Variants in FAAH2 observed in about 807,000 individuals in gnomAD.
The protein encoded by FAAH2 is fatty-acid amide hydrolase 2.
Under a neutral mutation model 36.9 loss-of-function variants are expected in FAAH2, and 60 were observed. The observed-to-expected ratio is 1.63, with a 90% CI of 1.32 to 2.02. FAAH2 has a LOEUF of 2.02. Among genes scored for constraint, FAAH2 ranks in the 30% most tolerant of loss-of-function variants. FAAH2 has a pLI of 0.00. For missense variants in FAAH2, 689 were observed against 397.5 expected, an observed-to-expected ratio of 1.73 and a Z score of -6.23; for synonymous variants, 214 against 143.8, an observed-to-expected ratio of 1.49 and a Z score of -3.49.
At chrX:57,396,830 G>A (rs1337143710) in intron 7 of FAAH2, among the ~76,000 whole-genome samples, 1 of 112,013 alleles carries the variant, frequency 8.9e-6, no homozygotes, top group East Asian at 2.8e-4. Flanking sequence ...ATTGTCAAAT[G>A]TTGTGTAAAT....
At chrX:57,448,930 G>T (rs780718966) in intron 10 of FAAH2, among the ~76,000 whole-genome samples, 3 of 111,750 alleles carry the variant, frequency 2.7e-5, no homozygotes, top group Non-Finnish European at 3.8e-5. Flanking sequence ...TCCTACAAGT[G>T]CATATGAGTA....
chrX:57,261,667 G>T, the FAAH2 span, among the ~76,000 whole-genome samples: 4 of 109,914 alleles, frequency 3.6e-5, no homozygotes, highest in African/African-American at 1.3e-4. Flanking sequence ...TGTTGCCAGG[G>T]ATGGGAGGTG....
At position 57,310,620 on chromosome X, in the gene FAAH2, T is replaced by C. The variant is rs2052666224; in HGVS notation, c.303T>C (p.His101=). The change falls in exon 3 of 11, where the codon CAT becomes CAC. Residue 101 remains histidine (H), a synonymous_variant. Transcript: ENST00000374900. The part of the protein sequence containing the change: ...YRFEEAMKEA[H]AVDQKLAEKQ... ...TTGAGGAAGCGATGAAGGAGGCTCA[T>C]GCTGTAGATCAAAAGCTTGCAGAGA... 1 of 1,207,336 alleles carries C rather than the reference T, an allele frequency of 8.3e-7. No individual in the cohort carries two copies. Among genetic ancestry groups the C allele is most frequent in the African/African-American group, 1.8e-5 (1 of 57,112 alleles).
chrX:57,250,063 A>G, the FAAH2 span, among the ~76,000 whole-genome samples: 1 of 112,139 alleles, frequency 8.9e-6, no homozygotes, highest in South Asian at 3.7e-4. Context: ...CATTGAACAA[A>G]CTGTGAGCTT....
At chrX:57,218,527 C>T in the FAAH2 span, among the ~76,000 whole-genome samples, 1 of 111,778 alleles carries the variant, frequency 8.9e-6, no homozygotes, top group Non-Finnish European at 1.9e-5. Flanking sequence ...CTTTAACCAC[C>T]CCTGCATCCC....
At chrX:57,242,268 G>A in the FAAH2 span, among the ~76,000 whole-genome samples, 25 of 112,601 alleles carry the variant, frequency 2.2e-4, no homozygotes, top group Admixed American at 2.1e-3. Context: ...GGAGCAGGCA[G>A]CAGTCTTTGC....
At chrX:57,433,349 G>A (rs905136930) in intron 8 of FAAH2, among the ~76,000 whole-genome samples, 25 of 110,162 alleles carry the variant, frequency 2.3e-4, no homozygotes, top group African/African-American at 7.5e-4. Flanking sequence ...AGAGCTGGTG[G>A]TCATAACCAC....
chrX:57,245,830 A>T, the FAAH2 span, among the ~76,000 whole-genome samples: 1 of 111,989 alleles, frequency 8.9e-6, no homozygotes, highest in Non-Finnish European at 1.9e-5. Flanking sequence ...GAGAAGCAAG[A>T]ACAAACAAAT....
At chrX:57,322,914 T>A (rs2053077093) in intron 3 of FAAH2, among the ~76,000 whole-genome samples, 1 of 110,174 alleles carries the variant, frequency 9.1e-6, no homozygotes, top group Admixed American at 9.8e-5. Flanking sequence ...ACAAGTGCCA[T>A]GTTGGTGTGC....
chrX:57,454,092 G>C (rs1361605883), intron 10 of FAAH2, among the ~76,000 whole-genome samples: 3 of 102,180 alleles, frequency 2.9e-5, no homozygotes, highest in Non-Finnish European at 6.2e-5. Flanking sequence ...GAGGACTACT[G>C]TCATCTTGGC....
chrX:57,447,757 G>A (rs2147176358), intron 9 of FAAH2, among the ~76,000 whole-genome samples: 1 of 111,008 alleles, frequency 9.0e-6, no homozygotes, highest in South Asian at 3.9e-4. Context: ...ACAGCAAGAG[G>A]GTCCTGGGCC....
At chrX:57,233,628 T>C in the FAAH2 span, among the ~76,000 whole-genome samples, 1 of 111,653 alleles carries the variant, frequency 9.0e-6, no homozygotes, top group African/African-American at 3.3e-5. Context: ...GACAGCTTCC[T>C]TTTTGTTTTG....
chrX:57,332,683 G>A (rs749039797), intron 4 of FAAH2, among the ~76,000 whole-genome samples: 3 of 111,160 alleles, frequency 2.7e-5, no homozygotes, highest in African/African-American at 9.8e-5. Context: ...GATCTTAGGG[G>A]CCCCACACAA....
At chrX:57,330,898 A>G (rs1001033997) in intron 3 of FAAH2, among the ~76,000 whole-genome samples, 5 of 110,430 alleles carry the variant, frequency 4.5e-5, no homozygotes, top group Admixed American at 9.7e-5. Context: ...CTGACAGGTC[A>G]GGAATTGTGA....
the FAAH2 span, among the ~76,000 whole-genome samples, chrX:57,257,927 C>G: frequency 8.9e-6 from 1 of 111,834 alleles, no homozygotes; most frequent in Non-Finnish European, 1.9e-5. Context: ...AATGCTATCT[C>G]TATCAAAATT....
At chrX:57,359,363 A>T (rs2054234408) in intron 5 of FAAH2, among the ~76,000 whole-genome samples, 1 of 111,312 alleles carries the variant, frequency 9.0e-6, no homozygotes, top group African/African-American at 3.3e-5. Context: ...TCTAATTTTC[A>T]TTCTGATTTC....
At chrX:57,142,456 G>A in the FAAH2 span, among the ~76,000 whole-genome samples, 1 of 111,885 alleles carries the variant, frequency 8.9e-6, no homozygotes, top group Non-Finnish European at 1.9e-5. Context: ...TTCCATTGTA[G>A]TTAGAAAAGA....
chrX:57,472,798 A>G (rs1460139150), intron 10 of FAAH2, among the ~76,000 whole-genome samples: 1 of 110,708 alleles, frequency 9.0e-6, no homozygotes, highest in African/African-American at 3.3e-5. Flanking sequence ...TAGATTTTCT[A>G]GTTTGTGTGC....
chrX:57,466,237 AGCTATTTTGCTGCAAACTTTTTGTATTT>A (rs2057048699), intron 10 of FAAH2, among the ~76,000 whole-genome samples: 3 of 103,808 alleles, frequency 2.9e-5, no homozygotes, highest in Non-Finnish European at 5.9e-5. Context: ...TAGAGAATGC[AGCTATTTTGCTGCAAACTTTTTGTATTT>A]TACTGTAAAT....
Sources: allele counts gnomAD v4.1 joint callset (sites outside exome capture counted in the v4.1 genomes callset), GRCh38; gene constraint gnomAD v4.1.1; transcripts MANE v1.5; gene names NCBI Gene and HGNC (gene_info 2026-07-23, HGNC 2026-07-21).